The following ARSF variants were observed in gnomAD, a reference collection of about 807,000 sequenced individuals.
The protein encoded by ARSF is arylsulfatase F.
A neutral mutation model predicts 35.4 loss-of-function variants in ARSF; 33 were observed. The ratio of observed to expected loss-of-function variants is 0.93; its 90% confidence interval spans 0.71 to 1.25. The LOEUF (loss-of-function observed/expected upper bound fraction) is 1.25. ARSF is among the 50% of genes most tolerant of loss of function. The pLI, the probability that ARSF is intolerant of heterozygous loss-of-function variation, is 0.00. For missense variants in ARSF, 501 were observed against 480.2 expected (o/e 1.04, Z -0.40); for synonymous variants, 222 against 193.1 (o/e 1.15, Z -1.24).
At chrX:3,109,767 A>G (rs1231252385) in intron 9 of ARSF, among the ~76,000 whole-genome samples, 1 of 112,337 alleles carries the variant, frequency 8.9e-6, no homozygotes, top group Non-Finnish European at 1.9e-5. Flanking sequence ...GTGATTACAT[A>G]AAATTTTTTC....
intron 1 of ARSF, among the ~76,000 whole-genome samples, chrX:3,059,553 T>A (rs147836990): frequency 0.02 from 2,197 of 112,183 alleles, 25 homozygotes; most frequent in Middle Eastern, 0.056. Context: ...TGTGACAGAC[T>A]GTACCTGGAA....
chrX:3,083,527 T>TATCC (rs62871060), intron 5 of ARSF, among the ~76,000 whole-genome samples: 3 of 26,581 alleles, frequency 1.1e-4, no homozygotes, highest in African/African-American at 3.1e-4. Context: ...TCTATCTATC[T>TATCC]ATCCATCCAT....
chrX:3,087,868 T>G (rs1011768620), intron 6 of ARSF, among the ~76,000 whole-genome samples: 5 of 112,011 alleles, frequency 4.5e-5, no homozygotes, highest in Non-Finnish European at 9.4e-5. Flanking sequence ...TCTTAAGTAA[T>G]TAAATCTCCA....
chrX:3,057,966 C>G (rs186745445), intron 1 of ARSF, among the ~76,000 whole-genome samples: 2 of 111,975 alleles, frequency 1.8e-5, no homozygotes, highest in Admixed American at 1.9e-4. Context: ...CAATGGACAG[C>G]AGAACATTGC....
At chrX:3,047,920 G>A (rs1467368812) in intron 1 of ARSF, among the ~76,000 whole-genome samples, 5 of 111,151 alleles carry the variant, frequency 4.5e-5, no homozygotes, top group Non-Finnish European at 9.4e-5. Context: ...GAAGCCTCAC[G>A]ATCATGGTGG....
intron 7 of ARSF, among the ~76,000 whole-genome samples, chrX:3,093,328 C>A (rs1465404918): frequency 9.0e-6 from 1 of 111,592 alleles, no homozygotes; most frequent in Non-Finnish European, 1.9e-5. Flanking sequence ...TTGCATGATG[C>A]CAAGATTTGA....
At chrX:3,070,451 T>A (rs1212117679) in intron 2 of ARSF, among the ~76,000 whole-genome samples, 2 of 110,463 alleles carry the variant, frequency 1.8e-5, no homozygotes, top group East Asian at 5.8e-4. Context: ...TTTAAGTCCC[T>A]TAAATGAGGT....
chrX:3,060,652 A>G (rs1480712561), intron 1 of ARSF, among the ~76,000 whole-genome samples: 1 of 111,939 alleles, frequency 8.9e-6, no homozygotes, highest in African/African-American at 3.2e-5. Context: ...ACAGCATAAG[A>G]GCTACGTGAT....
intron 6 of ARSF, among the ~76,000 whole-genome samples, chrX:3,085,021 T>C (rs890406173): frequency 5.4e-5 from 6 of 110,831 alleles, no homozygotes; most frequent in Non-Finnish European, 1.1e-4. Context: ...GGAATATTGC[T>C]AAATGGTGTA....
chrX:3,095,087 G>T (rs1317729892), intron 7 of ARSF, among the ~76,000 whole-genome samples: 1 of 108,701 alleles, frequency 9.2e-6, no homozygotes, highest in African/African-American at 3.3e-5. Context: ...GTTTGAGGCT[G>T]CAGTGAGCCA....
In ARSF at chrX:3,110,421, G is replaced by A. The variant is rs746129994; in HGVS notation, c.1390+169G>A. The stretch of plus-strand genomic sequence containing the variant: ...GAATTGCTCTTCTGCAGAAAGGCAG[G>A]TGGGGGTAATGGAGATGCTAATTGG... On this transcript the variant is annotated intron_variant, in intron 10 of 10. Transcript: ENST00000381127. Among the ~76,000 whole-genome samples the A allele has an allele frequency of 2.7e-5, 3 of 112,207 alleles. No homozygotes were observed. In the East Asian group the frequency reaches 8.4e-4, roughly 31 times the overall value.
At chrX:3,041,152 C>T (rs754746705), upstream of ARSF, among the ~76,000 whole-genome samples, 101 of 111,179 alleles carry the variant, frequency 9.1e-4, no homozygotes, top group Admixed American at 3.5e-3. Context: ...ACACTTTAAA[C>T]TGCTGCACAC....
chrX:3,043,548 C>T (rs1484043060), intron 1 of ARSF, among the ~76,000 whole-genome samples: 1 of 111,242 alleles, frequency 9.0e-6, no homozygotes, highest in Non-Finnish European at 1.9e-5. Context: ...TTCAGATGGA[C>T]ATCCTAGGGG....
chrX:3,043,401 T>C (rs1321942444), intron 1 of ARSF, among the ~76,000 whole-genome samples: 1 of 112,313 alleles, frequency 8.9e-6, no homozygotes, highest in East Asian at 2.8e-4. Flanking sequence ...TTCTAGGTAT[T>C]GGACTTCAAT....
intron 8 of ARSF, among the ~76,000 whole-genome samples, chrX:3,102,874 T>C (rs1193839940): frequency 1.8e-5 from 2 of 108,865 alleles, no homozygotes; most frequent in Non-Finnish European, 3.8e-5. Context: ...ATAGCACCAC[T>C]GCACTCCAGC....
At chrX:3,077,375 A>G (rs143993445) in intron 4 of ARSF, among the ~76,000 whole-genome samples, 3,375 of 111,728 alleles carry the variant, frequency 0.03, 59 homozygotes, top group Middle Eastern at 0.088. Context: ...ATGGTGGCTC[A>G]TGCCTGTAAT....
chrX:3,103,892 A>T lies in ARSF; in HGVS notation c.1233A>T (p.Ala411=). 1 of 1,211,663 alleles carries T rather than the reference A, an allele frequency of 8.3e-7. No homozygotes were observed. The highest frequency in any genetic ancestry group is 1.1e-6 in the Non-Finnish European group (1 of 895,494). Reference sequence around the variant, plus strand: ...TAATGGATATTTTACCAACTGTCGCATCAGTGTCAGGAGGAAGTCTCCCTC... The same window carrying T: ...TAATGGATATTTTACCAACTGTCGCTTCAGTGTCAGGAGGAAGTCTCCCTC... The part of the protein sequence containing the change: ...TSLMDILPTV[A]SVSGGSLPQD... The change falls in exon 9 of 11, where the codon GCA becomes GCT. Residue 411 remains alanine, a synonymous_variant. Coordinates refer to ENST00000381127, the MANE Select transcript of ARSF (RefSeq NM_001201539.2).
intron 5 of ARSF, among the ~76,000 whole-genome samples, chrX:3,081,700 A>T (rs912866414): frequency 4.5e-5 from 5 of 110,424 alleles, no homozygotes; most frequent in African/African-American, 1.6e-4. Context: ...AGAACATAAA[A>T]TTTTTCTGGC....
intron 8 of ARSF, among the ~76,000 whole-genome samples, chrX:3,102,275 A>T (rs1357404339): frequency 9.0e-6 from 1 of 111,372 alleles, no homozygotes; most frequent in African/African-American, 3.3e-5. Flanking sequence ...TTTTTTCCTC[A>T]GCCTACTCCC....
Sources: allele counts gnomAD v4.1 joint callset (sites outside exome capture counted in the v4.1 genomes callset), GRCh38; gene constraint gnomAD v4.1.1; transcripts MANE v1.5; gene names NCBI Gene and HGNC (gene_info 2026-07-23, HGNC 2026-07-21).